Variants in SLC2A7 observed in about 807,000 individuals in gnomAD.
SLC2A7 encodes the protein solute carrier family 2 member 7.
SLC2A7 carries 50 observed loss-of-function variants against 50.5 expected under a neutral mutation model. The observed-to-expected ratio is 0.99, with a 90% CI of 0.79 to 1.25. The LOEUF is 1.25. Ranked by LOEUF, SLC2A7 falls within the 50% of genes most tolerant of loss-of-function variation. The pLI, the probability that SLC2A7 is intolerant of heterozygous loss-of-function variation, is 0.00. For synonymous variants in SLC2A7, 308 were observed against 300.4 expected (o/e 1.03, Z -0.26); for missense variants, 683 against 679.1 (o/e 1.01, Z -0.06).
intron 4 of SLC2A7, among the ~76,000 whole-genome samples, chr1:9,018,803 G>A (rs1021498237): frequency 1.3e-5 from 2 of 152,170 alleles, no homozygotes; most frequent in African/African-American, 2.4e-5. Context: ...TTCCTGGGAC[G>A]ATACCTTGTA....
chr1:8,996,515 C>T, the SLC2A7 span, among the ~76,000 whole-genome samples: 20 of 152,308 alleles, frequency 1.3e-4, no homozygotes, highest in Middle Eastern at 3.4e-3. Flanking sequence ...TAGACATCTG[C>T]TTTGGTTTCT....
intron 2 of SLC2A7, 49 bp downstream of exon 2, chr1:9,024,927 A>G: frequency 6.3e-7 from 1 of 1,593,090 alleles, no homozygotes; most frequent in Non-Finnish European, 8.6e-7. Flanking sequence ...TCCACCCACG[A>G]CCCCGGTCAG....
Position 9,018,469 on chromosome 1 carries a change from C to T in SLC2A7, c.437-94G>A, listed in dbSNP as rs1640864918. ...CCGTTTCCTAATCCCGGGGCTTCTC[C>T]ATGCTGTCAGCCCCTCCGTGGAGAT... On this transcript the variant is annotated intron_variant, in intron 4 of 11. Coordinates refer to ENST00000400906, the MANE Select transcript of SLC2A7 (RefSeq NM_207420.3). 4 of 1,519,834 alleles carry T rather than the reference C, an allele frequency of 2.6e-6. No homozygotes were observed. The Admixed American group carries it at 5.9e-5, about 22-fold the overall frequency. 94.1% of individuals were successfully genotyped at this position (1,519,834 alleles called of 1,614,324 possible).
Position 9,022,926 on chromosome 1 carries a change from G to C in SLC2A7, c.303C>G (p.Ser101Arg). Residue 101 changes from serine (S) to arginine (R), a missense_variant, in exon 3 of 12, where the codon AGC becomes AGG. By Grantham distance (110) the Ser-to-Arg change is moderately radical. Coordinates refer to ENST00000400906, the MANE Select transcript of SLC2A7 (RefSeq NM_207420.3). ...GSLLVGLLVD[S>R]CGRKGTLLIN... The stretch of plus-strand genomic sequence containing the variant: ...GTGCACCTTCTGTTTACCTGCCGCA[G>C]CTATCAACCAGCAGGCCCACGAGCA... 6.2e-7 allele frequency: 1 copy of C among 1,613,998 alleles called. No homozygotes were observed. Among genetic ancestry groups the C allele is most frequent in the Non-Finnish European group, 8.5e-7 (1 of 1,179,964 alleles).
intron 5 of SLC2A7, among the ~76,000 whole-genome samples, chr1:9,017,814 G>A (rs1368748644): frequency 4.6e-5 from 7 of 152,268 alleles, no homozygotes; most frequent in Non-Finnish European, 8.8e-5. Flanking sequence ...GATAGAGGCC[G>A]CCAGAAGAAA....
chr1:9,024,938 C>T, intron 2 of SLC2A7, 38 bp downstream of exon 2: 1 of 1,608,008 alleles, frequency 6.2e-7, no homozygotes, highest in Non-Finnish European at 8.5e-7. Context: ...CCCCGGTCAG[C>T]TGCTGCCCGG....
chr1:9,007,331 C>T lies in SLC2A7; in HGVS notation c.1171G>A (p.Ala391Thr), dbSNP rs371136367. Residue 391 changes from alanine (A) to threonine (T), a missense_variant, in exon 10 of 12, where the codon GCG (alanine) becomes ACG (threonine). Coordinates refer to ENST00000400906, the MANE Select transcript of SLC2A7 (RefSeq NM_207420.3). The part of the protein sequence containing the change: ...LGIICVFAYI[A>T]GHSIGPSPVP... ...TCACTGGGCCCAATGGAATGTCCCG[C>T]GATGTAGGCAAAGACACAGATGATG... 79 of 1,614,194 alleles carry T rather than the reference C, an allele frequency of 4.9e-5. No individual in the cohort carries two copies. Among genetic ancestry groups the T allele is most frequent in the East Asian group, 2.7e-4 (12 of 44,880 alleles).
intron 9 of SLC2A7, among the ~76,000 whole-genome samples, chr1:9,009,211 T>C (rs1242845264): frequency 6.6e-6 from 1 of 152,220 alleles, no homozygotes; most frequent in Non-Finnish European, 1.5e-5. Flanking sequence ...TGATATATTT[T>C]CCATTTGAAA....
rs1349996690 is a variant in SLC2A7 at position 9,003,535 on chromosome 1, G to C, written c.1321-17C>G. 6.2e-7 allele frequency: 1 copy of C among 1,610,050 alleles called. No individual in the cohort carries two copies. The highest frequency in any genetic ancestry group is 8.5e-7 in the Non-Finnish European group (1 of 1,176,464). ...GATGGCCTCCTAGACCAGGAGACGA[G>C]AAAGACAGGAGGGGGCAGAGAAAGG... On this transcript the variant is annotated splice_polypyrimidine_tract_variant and intron_variant, in intron 11 of 11. Transcript: ENST00000400906.
intron 3 of SLC2A7, 138 bp downstream of exon 3, chr1:9,022,780 C>G (rs1640930707): frequency 1.6e-5 from 18 of 1,160,380 alleles, no homozygotes; most frequent in Non-Finnish European, 2.2e-5. Context: ...GTCATGATGA[C>G]TGTGGCCAAG....
chr1:9,010,046 C>G, intron 9 of SLC2A7, 97 bp downstream of exon 9: 1 of 1,195,954 alleles, frequency 8.4e-7, no homozygotes, highest in South Asian at 1.4e-5. Context: ...CAGTGGGACT[C>G]AGAACCAACC....
chr1:9,022,681 C>T lies in SLC2A7; in HGVS notation c.311+237G>A, dbSNP rs1557653325. Among the ~76,000 whole-genome samples, 3 of 9,188 alleles carry T rather than the reference C, an allele frequency of 3.3e-4. No individual in the cohort carries two copies. The Admixed American group carries it at 5.4e-3, about 16-fold the overall frequency. The allele number at this position is 9,188 out of a possible 152,430, so 6.0% of individuals were successfully genotyped here. ...AGAACCTTGATCTCAAAGGCTGCAC[C>T]ACCTCTGTGGCAGGTGACGGAAGGG... is the stretch of plus-strand genomic sequence containing the variant. On this transcript the variant is annotated intron_variant, in intron 3 of 11. Transcript: ENST00000400906.
At chr1:9,025,130 A>G (rs1274005034) in intron 1 of SLC2A7, 56 bp from the exon 2 acceptor site, 1 of 1,561,454 alleles carries the variant, frequency 6.4e-7, no homozygotes, top group Non-Finnish European at 8.8e-7. Flanking sequence ...CGGGAAGTGG[A>G]GTGGCTGGGC....
intron 2 of SLC2A7, 141 bp downstream of exon 2, chr1:9,024,835 G>T: frequency 1.2e-6 from 1 of 865,604 alleles, no homozygotes; most frequent in Non-Finnish European, 1.8e-6. Flanking sequence ...GGGTACTAGG[G>T]CAAGCTGGCT....
At chr1:9,024,346 C>T (rs1368825360) in intron 2 of SLC2A7, among the ~76,000 whole-genome samples, 1 of 152,148 alleles carries the variant, frequency 6.6e-6, no homozygotes, top group East Asian at 1.9e-4. Context: ...ATTGTAAGTA[C>T]ACTAATATAT....
At chr1:9,018,903 C>T (rs1192252743) in intron 4 of SLC2A7, among the ~76,000 whole-genome samples, 1 of 152,066 alleles carries the variant, frequency 6.6e-6, no homozygotes. Flanking sequence ...GAGGCTTGGC[C>T]AGGTACAGTG....
chr1:8,998,844 TA>T (rs1640540611), downstream of SLC2A7, among the ~76,000 whole-genome samples: 1 of 152,334 alleles, frequency 6.6e-6, no homozygotes, highest in Non-Finnish European at 1.5e-5. Context: ...GTCTGCTTGC[TA>T]AAATATGGTT....
chr1:9,014,602 T>C, intron 7 of SLC2A7, 79 bp downstream of exon 7: 1 of 1,510,682 alleles, frequency 6.6e-7, no homozygotes, highest in South Asian at 1.2e-5. Flanking sequence ...CAGGCCTCTG[T>C]GGGTGGAACT....
chr1:8,997,762 T>C, the SLC2A7 span, among the ~76,000 whole-genome samples: 2 of 152,350 alleles, frequency 1.3e-5, no homozygotes, highest in Non-Finnish European at 1.5e-5. Context: ...TTCTCAGATA[T>C]ATGATTTGCA....
Sources: gnomAD v4.1 joint callset for allele counts (sites outside exome capture counted in the v4.1 genomes callset) on GRCh38, gnomAD v4.1.1 for gene constraint, MANE v1.5 for transcripts, NCBI Gene and HGNC (gene_info 2026-07-23, HGNC 2026-07-21) for gene names.